CCDC30: variants seen among roughly 807,000 people sequenced by gnomAD.
The protein encoded by CCDC30 is coiled-coil domain containing 30, also known as coiled-coil domain-containing protein 30.
In CCDC30, 70 loss-of-function variants were observed where a neutral mutation model predicts 100.2. The observed-to-expected ratio is 0.70, with a 90% CI of 0.58 to 0.85. The LOEUF is 0.85. Among genes scored for constraint, CCDC30 ranks in the 40% least tolerant of loss-of-function variants. CCDC30 has a pLI of 0.00. For missense variants in CCDC30, 652 were observed against 771.2 expected (o/e 0.85, Z 1.83); for synonymous variants, 233 against 269.5 (o/e 0.86, Z 1.33).
intron 1 of CCDC30, among the ~76,000 whole-genome samples, chr1:42,474,947 A>C (rs1252764592): frequency 2.6e-5 from 4 of 152,238 alleles, no homozygotes; most frequent in African/African-American, 9.6e-5. Context: ...TCTCCTGTTA[A>C]CATTTAATCA....
intron 6 of CCDC30, among the ~76,000 whole-genome samples, chr1:42,508,457 C>G (rs1005024817): frequency 6.6e-6 from 1 of 152,166 alleles, no homozygotes; most frequent in Admixed American, 6.5e-5. Context: ...GTAAGTATCC[C>G]TCCATAACTT....
intron 1 of CCDC30, among the ~76,000 whole-genome samples, chr1:42,470,736 G>A (rs915329): frequency 0.14 from 21,433 of 152,174 alleles, 1,628 homozygotes; most frequent in East Asian, 0.18. Context: ...CCATTTCTAT[G>A]AGTTGTATAA....
chr1:42,493,041 TATC>T (rs1415547617), intron 4 of CCDC30, among the ~76,000 whole-genome samples: 2 of 152,096 alleles, frequency 1.3e-5, no homozygotes, highest in Non-Finnish European at 2.9e-5. Flanking sequence ...AATGCAACAA[TATC>T]ATCATTTCTG....
At chr1:42,549,714 C>T (rs959485145) in intron 6 of CCDC30, among the ~76,000 whole-genome samples, 8 of 152,126 alleles carry the variant, frequency 5.3e-5, no homozygotes, top group Non-Finnish European at 8.8e-5. Flanking sequence ...AAAATTTCCC[C>T]CTACTCCTAC....
At chr1:42,512,147 T>C (rs1247856359) in intron 6 of CCDC30, among the ~76,000 whole-genome samples, 1 of 152,236 alleles carries the variant, frequency 6.6e-6, no homozygotes, top group Non-Finnish European at 1.5e-5. Context: ...CATGCTATTG[T>C]TTGTGGTTTA....
intron 6 of CCDC30, among the ~76,000 whole-genome samples, chr1:42,503,784 C>T (rs1644356240): frequency 6.6e-6 from 1 of 152,156 alleles, no homozygotes; most frequent in Admixed American, 6.5e-5. Context: ...TGAGGACTTC[C>T]TTACCCTCAC....
intron 15 of CCDC30, among the ~76,000 whole-genome samples, chr1:42,649,452 A>C (rs1648154385): frequency 6.6e-6 from 1 of 152,232 alleles, no homozygotes; most frequent in Admixed American, 6.5e-5. Context: ...AATGTACCTC[A>C]ATACAATAAA....
At chr1:42,627,500 G>A (rs551945895) in intron 11 of CCDC30, among the ~76,000 whole-genome samples, 12 of 152,236 alleles carry the variant, frequency 7.9e-5, no homozygotes, top group East Asian at 3.9e-4. Context: ...CCCCAAGACC[G>A]TGGGAAAATG....
intron 6 of CCDC30, among the ~76,000 whole-genome samples, chr1:42,564,523 C>CAGGTGATCCACCCACCT (rs1557858494): frequency 2.0e-5 from 3 of 152,138 alleles, no homozygotes; most frequent in Non-Finnish European, 4.4e-5. Context: ...CTCCTGACCT[C>CAGGTGATCCACCCACCT]CCAAAGTGCT....
At chr1:42,525,227 C>T (rs61664297) in intron 6 of CCDC30, among the ~76,000 whole-genome samples, 58,544 of 151,980 alleles carry the variant, frequency 0.39, 11,738 homozygotes, top group East Asian at 0.59. Flanking sequence ...TATTTCTTCA[C>T]TTCTTCAAAA....
rs372294283 is a variant in CCDC30 at position 42,548,192 on chromosome 1, G to T, written c.457-18104G>T. ...TGATCATGAAGGGACACGAAGACCT[G>T]TATTAGGGAGTTTGGACAGTGGGAA... is the stretch of plus-strand genomic sequence containing the variant. On this transcript the variant is annotated intron_variant, in intron 6 of 16. Transcript: ENST00000668663. 6.4e-4 allele frequency among the ~76,000 whole-genome samples: 97 copies of T among 152,342 alleles called. 3 individuals carry two copies. The South Asian group carries it at 0.013, about 20-fold the overall frequency.
At chr1:42,646,238 C>A in exon 15 of CCDC30, 2 of 1,556,640 alleles carry the variant, frequency 1.3e-6, no homozygotes, top group Non-Finnish European at 1.7e-6. Flanking sequence ...GAGGTCTTCA[C>A]CAGCAACAAT....
chr1:42,505,086 G>A (rs895186496), intron 6 of CCDC30, among the ~76,000 whole-genome samples: 4 of 152,226 alleles, frequency 2.6e-5, no homozygotes, highest in African/African-American at 9.7e-5. Context: ...ACCACAAATA[G>A]TAGAGTGTGT....
At chr1:42,595,708 G>A (rs886334948) in intron 10 of CCDC30, 4 of 152,130 alleles carry the variant, frequency 2.6e-5, no homozygotes, top group African/African-American at 7.2e-5. Flanking sequence ...CCCAGGAGAT[G>A]GTGCCATATT....
intron 6 of CCDC30, 90 bp downstream of exon 7, chr1:42,536,691 G>A (rs746505469): frequency 2.8e-4 from 264 of 933,772 alleles, no homozygotes; most frequent in Non-Finnish European, 4.1e-4. Context: ...ATAACTATGT[G>A]TCTCAGCTTG....
At chr1:42,567,900 G>T (rs1280144262) in intron 7 of CCDC30, among the ~76,000 whole-genome samples, 1 of 151,816 alleles carries the variant, frequency 6.6e-6, no homozygotes, top group Non-Finnish European at 1.5e-5. Context: ...AACAAGAGAA[G>T]ATTTTTATTT....
intron 6 of CCDC30, among the ~76,000 whole-genome samples, chr1:42,507,615 T>C (rs998555546): frequency 6.6e-6 from 1 of 152,260 alleles, no homozygotes; most frequent in East Asian, 1.9e-4. Flanking sequence ...AAATCTATTT[T>C]TAGTAGTCAA....
chr1:42,477,155 G>A (rs1028965957), intron 1 of CCDC30, among the ~76,000 whole-genome samples: 4 of 151,856 alleles, frequency 2.6e-5, no homozygotes, highest in African/African-American at 9.7e-5. Context: ...CAGTAGGAAG[G>A]TTGTTCAAGG....
At chr1:42,607,179 G>C (rs1254402441) in intron 10 of CCDC30, among the ~76,000 whole-genome samples, 5 of 152,164 alleles carry the variant, frequency 3.3e-5, no homozygotes, top group Non-Finnish European at 5.9e-5. Flanking sequence ...CTTGAGACCA[G>C]GAGTTTGAGG....
Sources: gnomAD v4.1 joint callset for allele counts (sites outside exome capture counted in the v4.1 genomes callset) on GRCh38, gnomAD v4.1.1 for gene constraint, MANE v1.5 for transcripts, NCBI Gene and HGNC (gene_info 2026-07-23, HGNC 2026-07-21) for gene names.